BIRC3: variants seen among roughly 807,000 people sequenced by gnomAD.
BIRC3 encodes baculoviral IAP repeat-containing protein 3.
In BIRC3, 26 loss-of-function variants were observed where a neutral mutation model predicts 59.0. The observed-to-expected ratio is 0.44, with a 90% CI of 0.32 to 0.61. BIRC3 has a LOEUF of 0.61. Among genes scored for constraint, BIRC3 ranks in the 20% least tolerant of loss-of-function variants. The pLI is 0.04. For missense variants in BIRC3, 641 were observed against 711.5 expected (o/e 0.90, Z 1.13); for synonymous variants, 243 against 249.2 (o/e 0.98, Z 0.24).
At position 102,337,364 on chromosome 11, in the gene BIRC3, A is replaced by T. The variant is rs1951207646; in HGVS notation, c.*262A>T. 1 of 402,588 alleles carries T rather than the reference A, an allele frequency of 2.5e-6. No individual in the cohort carries two copies. The highest frequency in any genetic ancestry group is 4.4e-6 in the Non-Finnish European group (1 of 229,238). The allele number at this position is 402,588 out of a possible 1,614,324, so 24.9% of individuals were successfully genotyped here. The stretch of plus-strand genomic sequence containing the variant: ...AATATTCAATCAAAATTTCAGCATT[A>T]TTGAAATTGTAAGTGAAGTAAAACT... On this transcript the variant is annotated 3_prime_UTR_variant, in exon 9 of 9. Transcript: ENST00000263464.
chr11:102,336,640 C>A, intron 7 of BIRC3, 120 bp from the exon 8 acceptor site: 1 of 929,050 alleles, frequency 1.1e-6, no homozygotes. Flanking sequence ...AGATTAAAGA[C>A]TTCTGTTGCC....
rs1951058577 is a variant in BIRC3, at chr11:102,324,123, T to C, written c.-387T>C. 2 of 225,938 alleles carry C rather than the reference T, an allele frequency of 8.9e-6. No individual in the cohort carries two copies. The highest frequency in any genetic ancestry group is 1.3e-4 in the East Asian group (2 of 15,168). 14.0% of individuals were successfully genotyped at this position (225,938 alleles called of 1,614,324 possible). On this transcript the variant is annotated 5_prime_UTR_variant, in exon 2 of 9. Transcript: ENST00000263464. ...GTCACACATTACATCTTTGGGTTGA[T>C]TGAATGCCACTGAAACATTCTAGTA... is the stretch of plus-strand genomic sequence containing the variant.
intron 1 of BIRC3, 89 bp from the exon 2 acceptor site, chr11:102,321,748 T>G (rs1951032679): frequency 5.9e-6 from 1 of 169,734 alleles, no homozygotes; most frequent in African/African-American, 2.4e-5. Flanking sequence ...GTACTCTATT[T>G]TGGAGAAAAT....
rs1951042744 is a variant in BIRC3 at position 102,322,669 on chromosome 11, T to C, written c.-1841T>C. ...TACCTTTGAGGGAAATAATTGTTGG[T>C]AATGAGATGTGATGTTTCTCCTGCC... On this transcript the variant is annotated 5_prime_UTR_variant, in exon 2 of 9. Transcript: ENST00000263464. 9.6e-6 allele frequency: 2 copies of C among 208,296 alleles called. No individual in the cohort carries two copies. The highest frequency in any genetic ancestry group is 4.6e-5 in the African/African-American group (2 of 43,778). The allele number at this position is 208,296 out of a possible 1,614,324, so 12.9% of individuals were successfully genotyped here. A position where few individuals can be genotyped will look rare whatever the true frequency, so the allele number is the denominator to read the frequency against.
At chr11:102,326,808 G>T (rs1591521419) in intron 3 of BIRC3, 1 of 454,230 alleles carries the variant, frequency 2.2e-6, no homozygotes, top group Middle Eastern at 5.8e-4. Flanking sequence ...CTTGGGTTCA[G>T]GCAATTCTCA....
Position 102,331,260 on chromosome 11 carries a change from A to G in BIRC3, c.1324+19A>G. The stretch of plus-strand genomic sequence containing the variant: ...GAATCAAGTATGTAGATTTATTAAT[A>G]CAGTCTATTTTCATAAGGATTTGAT... On this transcript the variant is annotated intron_variant, in intron 6 of 8. Transcript: ENST00000263464. 1.3e-6 allele frequency: 2 copies of G among 1,589,684 alleles called. No individual in the cohort carries two copies. The highest frequency in any genetic ancestry group is 1.7e-6 in the Non-Finnish European group (2 of 1,170,442).
intron 6 of BIRC3, among the ~76,000 whole-genome samples, chr11:102,335,668 G>T (rs1478751704): frequency 1.3e-5 from 2 of 151,884 alleles, no homozygotes; most frequent in Non-Finnish European, 1.5e-5. Flanking sequence ...ATTTTTTTAA[G>T]ACAGGGTATT....
chr11:102,331,532 C>A (rs1022638151), intron 6 of BIRC3, among the ~76,000 whole-genome samples: 1 of 151,718 alleles, frequency 6.6e-6, no homozygotes, highest in African/African-American at 2.4e-5. Context: ...ATTCATGGCA[C>A]ATTTTTTTTT....
Position 102,331,047 on chromosome 11 carries a change from T to C in BIRC3, c.1130T>C (p.Met377Thr), listed in dbSNP as rs768458534. Residue 377 changes from methionine (M) to threonine (T), a missense_variant, in exon 6 of 9, where the codon ATG becomes ACG. Physicochemically the swap from Met to Thr is moderately conservative, Grantham distance 81. Transcript: ENST00000263464. Reference sequence around the variant, plus strand: ...GACCATTCAGAAGATGCAATCATGATGAATACTCCTGTGATTAATGCTGCC... The same window carrying C: ...GACCATTCAGAAGATGCAATCATGACGAATACTCCTGTGATTAATGCTGCC... ...GEDHSEDAIM[M>T]NTPVINAAVE... The C allele has an allele frequency of 6.2e-7, 1 of 1,613,826 alleles. No homozygotes were observed. Among genetic ancestry groups the C allele is most frequent in the South Asian group, 1.1e-5 (1 of 91,060 alleles).
chr11:102,333,275 T>C (rs1951163214), intron 6 of BIRC3, among the ~76,000 whole-genome samples: 1 of 151,652 alleles, frequency 6.6e-6, no homozygotes, highest in Non-Finnish European at 1.5e-5. Context: ...AATAAAATAA[T>C]AATATGGCTG....
intron 6 of BIRC3, among the ~76,000 whole-genome samples, chr11:102,331,681 G>A (rs1326790190): frequency 6.6e-6 from 1 of 152,132 alleles, no homozygotes; most frequent in Non-Finnish European, 1.5e-5. Context: ...GTCTTACTCT[G>A]TCACCCATGC....
At chr11:102,328,166 T>C (rs746105012) in intron 4 of BIRC3, 36 bp downstream of exon 4, 5 of 1,531,232 alleles carry the variant, frequency 3.3e-6, no homozygotes. Flanking sequence ...TTGGTTGCCA[T>C]CAGAGAAATT....
rs2135795036 is a variant in BIRC3 at position 102,339,281 on chromosome 11, T to C, written c.*2179T>C. Reference sequence around the variant, plus strand: ...CTTTGTCATCTCACTGTAAAACTTTTGTTCATTTCTCATTATGGTAATAAA... The same window carrying C: ...CTTTGTCATCTCACTGTAAAACTTTCGTTCATTTCTCATTATGGTAATAAA... On this transcript the variant is annotated 3_prime_UTR_variant, in exon 9 of 9. Transcript: ENST00000263464. 1 of 189,396 alleles carries C rather than the reference T, an allele frequency of 5.3e-6. No individual in the cohort carries two copies. Among genetic ancestry groups the C allele is most frequent in the East Asian group, 8.5e-5 (1 of 11,820 alleles). 11.7% of individuals were successfully genotyped at this position (189,396 alleles called of 1,614,324 possible).
intron 1 of BIRC3, 35 bp downstream of exon 1, chr11:102,317,606 T>TGC (rs565807644): frequency 8.3e-4 from 127 of 153,472 alleles, no homozygotes; most frequent in African/African-American, 3.0e-3. Context: ...TGTGTGTGTG[T>TGC]GTGCGTGTGT....
Position 102,337,608 on chromosome 11 carries a change from G to GA in BIRC3, c.*506_*507insA. ...CAAAACACCAGGGACACATTTCTCT[G>GA]TCTTTTTTGATCAGTGTCCTATACA... On this transcript the variant is annotated 3_prime_UTR_variant, in exon 9 of 9. Transcript: ENST00000263464. 1.1e-5 allele frequency: 4 copies of GA among 363,470 alleles called. No homozygotes were observed. The highest frequency in any genetic ancestry group is 2.0e-5 in the Non-Finnish European group (4 of 203,744). 22.5% of individuals were successfully genotyped at this position (363,470 alleles called of 1,614,324 possible).
intron 1 of BIRC3, among the ~76,000 whole-genome samples, chr11:102,318,104 A>ATTAAATATTGAC (rs1950991254): frequency 6.6e-6 from 1 of 152,212 alleles, no homozygotes; most frequent in Admixed American, 6.5e-5. Context: ...TAACAATAAT[A>ATTAAATATTGAC]TTAAATATTG....
In BIRC3 at chr11:102,338,476, C is replaced by T. The variant is rs1951221228; in HGVS notation, c.*1374C>T. The T allele has an allele frequency of 4.4e-6, 1 of 229,204 alleles. No homozygotes were observed. The highest frequency in any genetic ancestry group is 5.7e-5 in the Admixed American group (1 of 17,632). The allele number at this position is 229,204 out of a possible 1,614,324, so 14.2% of individuals were successfully genotyped here. On this transcript the variant is annotated 3_prime_UTR_variant, in exon 9 of 9. Coordinates refer to ENST00000263464, the MANE Select transcript of BIRC3 (RefSeq NM_001165.5). ...CCTTCGTAATGAAGATCCAAAATTA[C>T]AGGGGAAACTGTGCATTTTTATGCT...
chr11:102,322,469 G>A lies in BIRC3; in HGVS notation c.-2041G>A, dbSNP rs1443359293. 1 of 205,190 alleles carries A rather than the reference G, an allele frequency of 4.9e-6. No homozygotes were observed. The highest frequency in any genetic ancestry group is 2.3e-5 in the African/African-American group (1 of 43,744). The allele number at this position is 205,190 out of a possible 1,614,324, so 12.7% of individuals were successfully genotyped here. Reference sequence around the variant, plus strand: ...AAACGTCCAAAAGTTTGTTTAAATGGGCTGTTACCGCTGAGAATGATGAGG... The same window carrying A: ...AAACGTCCAAAAGTTTGTTTAAATGAGCTGTTACCGCTGAGAATGATGAGG... On this transcript the variant is annotated 5_prime_UTR_variant, in exon 2 of 9. Transcript: ENST00000263464.
intron 1 of BIRC3, among the ~76,000 whole-genome samples, chr11:102,318,078 G>A (rs1950990372): frequency 6.6e-6 from 1 of 152,174 alleles, no homozygotes; most frequent in African/African-American, 2.4e-5. Flanking sequence ...TCGAAGGCAT[G>A]TACCTGATGC....
Sources: gnomAD v4.1 joint callset for allele counts (sites outside exome capture counted in the v4.1 genomes callset) on GRCh38, gnomAD v4.1.1 for gene constraint, MANE v1.5 for transcripts, NCBI Gene and HGNC (gene_info 2026-07-23, HGNC 2026-07-21) for gene names.